The following DMRT1 variants were observed in gnomAD, a reference collection of about 807,000 sequenced individuals.
DMRT1 encodes the protein doublesex and mab-3 related transcription factor 1, also known as doublesex- and mab-3-related transcription factor 1.
Under a neutral mutation model 32.3 loss-of-function variants are expected in DMRT1, and 7 were observed. That is an observed-to-expected ratio of 0.22 (90% CI 0.12 to 0.41). The LOEUF is 0.41. Ranked by LOEUF, DMRT1 falls within the 10% of genes least tolerant of loss-of-function variation. The probability of loss-of-function intolerance (pLI) is 1.00; values close to 1 mark genes in which losing one functional copy is unlikely to be tolerated. For synonymous variants in DMRT1, 278 were observed against 206.1 expected (o/e 1.35, Z -2.99); for missense variants, 625 against 500.5 (o/e 1.25, Z -2.37).
chr9:907,323 T>C (rs1817811233), intron 3 of DMRT1, among the ~76,000 whole-genome samples: 5 of 152,218 alleles, frequency 3.3e-5, no homozygotes, highest in Admixed American at 3.3e-4. Flanking sequence ...ATGGGTTCAG[T>C]TGGGAAGTCC....
rs557491182 is a variant in DMRT1 at position 968,325 on chromosome 9, A to G, written c.*186A>G. The G allele has an allele frequency of 1.8e-5, 12 of 657,024 alleles. No homozygotes were observed. The South Asian group carries it at 1.9e-4, about 10-fold the overall frequency. The allele number at this position is 657,024 out of a possible 1,614,324, so 40.7% of individuals were successfully genotyped here. ...TAATACTTTAGGGTCCGTGACTACC[A>G]TCTGCATGGTTTAAGTGCTTTACTC... On this transcript the variant is annotated 3_prime_UTR_variant, in exon 5 of 5. Transcript: ENST00000382276.
At chr9:943,094 G>C (rs1819131079) in intron 4 of DMRT1, among the ~76,000 whole-genome samples, 1 of 150,944 alleles carries the variant, frequency 6.6e-6, no homozygotes, top group Non-Finnish European at 1.5e-5. Flanking sequence ...TTTGCGTTTT[G>C]ATAGCATATC....
intron 3 of DMRT1, among the ~76,000 whole-genome samples, chr9:912,737 T>C (rs757245825): frequency 6.6e-6 from 1 of 152,272 alleles, no homozygotes; most frequent in Middle Eastern, 3.4e-3. Flanking sequence ...CCAAGGTATA[T>C]GGACGATATG....
intron 4 of DMRT1, among the ~76,000 whole-genome samples, chr9:955,494 C>T (rs200959127): frequency 2.0e-5 from 3 of 152,228 alleles, no homozygotes; most frequent in South Asian, 4.2e-4. Context: ...GGCTTGAGCC[C>T]AGGAGTTCAA....
At chr9:862,088 C>A (rs1815728738) in intron 2 of DMRT1, among the ~76,000 whole-genome samples, 1 of 137,870 alleles carries the variant, frequency 7.3e-6, no homozygotes, top group Non-Finnish European at 1.7e-5. Context: ...CTCCTCACTT[C>A]CTAGACGGGG....
chr9:908,594 T>C (rs1034142497), intron 3 of DMRT1, among the ~76,000 whole-genome samples: 1 of 152,222 alleles, frequency 6.6e-6, no homozygotes, highest in African/African-American at 2.4e-5. Context: ...TTGTTTGTTT[T>C]TTTATGGTTC....
chr9:883,651 G>T (rs920603037), intron 2 of DMRT1, among the ~76,000 whole-genome samples: 1 of 151,592 alleles, frequency 6.6e-6, no homozygotes, highest in Non-Finnish European at 1.5e-5. Flanking sequence ...AAATTGCCGT[G>T]TATGGTGGCG....
chr9:889,828 A>C (rs1415951480), intron 2 of DMRT1, among the ~76,000 whole-genome samples: 1 of 152,198 alleles, frequency 6.6e-6, no homozygotes, highest in Admixed American at 6.5e-5. Flanking sequence ...GGAGGTATTC[A>C]GTGTTTTTAA....
At chr9:940,084 A>G (rs1224289401) in intron 4 of DMRT1, among the ~76,000 whole-genome samples, 1 of 152,160 alleles carries the variant, frequency 6.6e-6, no homozygotes, top group South Asian at 2.1e-4. Context: ...AGGATATGGA[A>G]AAAGTTGAAC....
intron 2 of DMRT1, among the ~76,000 whole-genome samples, chr9:875,400 G>A (rs1816454164): frequency 1.3e-5 from 2 of 152,080 alleles, no homozygotes; most frequent in Admixed American, 1.3e-4. Context: ...CCTGACACAG[G>A]CCGGACCCTC....
intron 3 of DMRT1, among the ~76,000 whole-genome samples, chr9:909,364 G>T (rs1564243690): frequency 6.6e-6 from 1 of 152,212 alleles, no homozygotes; most frequent in South Asian, 2.1e-4. Context: ...AATGAATAAG[G>T]TGTGTATTTC....
Position 949,342 on chromosome 9 carries a change from C to G in DMRT1, c.968-18643C>G, listed in dbSNP as rs1034837692. Among the ~76,000 whole-genome samples the G allele has an allele frequency of 6.0e-5, 9 of 149,032 alleles. No homozygotes were observed. In the East Asian group the frequency reaches 1.6e-3, roughly 26 times the overall value. On this transcript the variant is annotated intron_variant, in intron 4 of 4. Transcript: ENST00000382276. ...TGTGACAGCCCCATTGCACTGAAGC[C>G]TGGGAGAGCAAGACCCTCTCTCGGG...
At chr9:955,937 C>T (rs764247697) in intron 4 of DMRT1, among the ~76,000 whole-genome samples, 1 of 152,188 alleles carries the variant, frequency 6.6e-6, no homozygotes, top group African/African-American at 2.4e-5. Context: ...TGGGTAAATA[C>T]CCCAAAGAAT....
chr9:844,796 C>G (rs577732222), intron 1 of DMRT1, among the ~76,000 whole-genome samples: 4 of 150,060 alleles, frequency 2.7e-5, no homozygotes, highest in Non-Finnish European at 4.4e-5. Context: ...TTTCAGCTCA[C>G]GGCAACCTCC....
At chr9:915,921 G>T (rs778199470) in intron 3 of DMRT1, among the ~76,000 whole-genome samples, 1 of 152,040 alleles carries the variant, frequency 6.6e-6, no homozygotes, top group East Asian at 1.9e-4. Flanking sequence ...TTTTAGGAGA[G>T]ATGGGGTTTC....
At chr9:893,825 C>G in intron 2 of DMRT1, 87 bp from the exon 3 acceptor site, 1 of 1,263,440 alleles carries the variant, frequency 7.9e-7, no homozygotes, top group Non-Finnish European at 1.1e-6. Context: ...CCTTGCTCCG[C>G]AGGTCTTGGG....
intron 4 of DMRT1, among the ~76,000 whole-genome samples, chr9:941,295 G>A (rs1267076389): frequency 6.6e-6 from 1 of 151,574 alleles, no homozygotes; most frequent in African/African-American, 2.4e-5. Flanking sequence ...AGAAAATGTG[G>A]CGCATGCATG....
At chr9:879,012 G>A (rs1484830565) in intron 2 of DMRT1, among the ~76,000 whole-genome samples, 1 of 152,120 alleles carries the variant, frequency 6.6e-6, no homozygotes, top group Non-Finnish European at 1.5e-5. Flanking sequence ...CTGTTTCATG[G>A]AAAGAAATAT....
At chr9:937,929 A>G (rs1278198022) in intron 4 of DMRT1, among the ~76,000 whole-genome samples, 3 of 151,928 alleles carry the variant, frequency 2.0e-5, no homozygotes, top group Non-Finnish European at 4.4e-5. Flanking sequence ...GTCAAATCCA[A>G]GGTTATAAAG....
Sources: gnomAD v4.1 joint callset for allele counts (sites outside exome capture counted in the v4.1 genomes callset) on GRCh38, gnomAD v4.1.1 for gene constraint, MANE v1.5 for transcripts, NCBI Gene and HGNC (gene_info 2026-07-23, HGNC 2026-07-21) for gene names.